The following SLC6A5 variants were observed in gnomAD, a reference collection of about 807,000 sequenced individuals.
The protein encoded by SLC6A5 is sodium- and chloride-dependent glycine transporter 2.
In SLC6A5, 58 loss-of-function variants were observed where a neutral mutation model predicts 90.5. The ratio of observed to expected loss-of-function variants is 0.64; its 90% CI spans 0.52 to 0.80. SLC6A5 has a LOEUF of 0.80. Ranked by LOEUF, SLC6A5 falls within the 30% of genes least tolerant of loss-of-function variation. The probability of loss-of-function intolerance (pLI) is 0.00; values close to 1 mark genes in which losing one functional copy is unlikely to be tolerated. For synonymous variants in SLC6A5, 427 were observed against 401.4 expected (o/e 1.06, Z -0.76); for missense variants, 1,015 against 1,017.6 (o/e 1.00, Z 0.03).
chr11:20,632,297 A>C (rs986302372), intron 10 of SLC6A5, among the ~76,000 whole-genome samples: 8 of 152,214 alleles, frequency 5.3e-5, no homozygotes, highest in African/African-American at 1.9e-4. Flanking sequence ...ACCAGTGGCC[A>C]ACCTGCTAGA....
Position 20,614,719 on chromosome 11 carries a change from G to A in SLC6A5, c.1026G>A (p.Lys342=), listed in dbSNP as rs368128242. ...VISDHPKIQI[K]NSTFCMTAYP... is the part of the protein sequence containing the mutation. ...GTGACCATCCCAAAATACAGATCAA[G>A]AACTCGACTTTCTGCATGACCGCTT... The change falls in exon 6 of 16, where the codon AAG becomes AAA. Residue 342 remains lysine (K), a synonymous_variant. Coordinates refer to ENST00000525748, the MANE Select transcript of SLC6A5 (RefSeq NM_004211.5). 25 of 1,613,794 alleles carry A rather than the reference G, an allele frequency of 1.5e-5. No individual in the cohort carries two copies. The highest frequency in any genetic ancestry group is 1.9e-5 in the Non-Finnish European group (23 of 1,179,826).
rs1443551 is a variant in SLC6A5, at chr11:20,607,618, G to T, written c.951G>T (p.Thr317=). The change falls in exon 5 of 16, where the codon ACG becomes ACT. Residue 317 remains threonine (T), a synonymous_variant. Coordinates refer to ENST00000525748, the MANE Select transcript of SLC6A5 (RefSeq NM_004211.5). ...PWGSCNNPWN[T]PECKDKTKLL... ...GCTCCTGCAACAACCCTTGGAATAC[G>T]CCAGAATGCAAAGATAAAACCAAAC... is the stretch of plus-strand genomic sequence containing the variant. 3.1e-6 allele frequency: 5 copies of T among 1,613,900 alleles called. No individual in the cohort carries two copies. Among genetic ancestry groups the T allele is most frequent in the South Asian group, 2.2e-5 (2 of 91,082 alleles).
intron 7 of SLC6A5, 42 bp from the exon 8 acceptor site, chr11:20,626,666 C>A: frequency 6.2e-7 from 1 of 1,610,498 alleles, no homozygotes; most frequent in Non-Finnish European, 8.5e-7. Context: ...GTGCACTCTG[C>A]AGGGCTGCTT....
Position 20,636,359 on chromosome 11 carries a change from C to CTCTCCGT in SLC6A5, c.1681_1687dup (p.Trp563SerfsTer17). The CTCTCCGT allele has an allele frequency of 1.2e-6, 2 of 1,614,050 alleles. No individual in the cohort carries two copies. Among genetic ancestry groups the CTCTCCGT allele is most frequent in the Non-Finnish European group, 1.7e-6 (2 of 1,179,916 alleles). On this transcript the variant is annotated frameshift_variant, in exon 11 of 16. Transcript: ENST00000525748. LOFTEE classifies it high-confidence loss of function. ...CGGAAGCCTTAACCAGGCTGCCTCT[C>CTCTCCGT]TCTCCGTTCTGGGCCATCATCTTTT...
At chr11:20,620,143 C>T (rs938371352) in intron 7 of SLC6A5, among the ~76,000 whole-genome samples, 1 of 152,288 alleles carries the variant, frequency 6.6e-6, no homozygotes, top group Admixed American at 6.5e-5. Context: ...TGGAGACAAG[C>T]TGACCTCAAC....
intron 11 of SLC6A5, 25 bp from the exon 12 acceptor site, chr11:20,637,147 T>C (rs754963970): frequency 1.4e-5 from 22 of 1,613,146 alleles, no homozygotes; most frequent in Non-Finnish European, 1.8e-5. Context: ...TTGACTCAGA[T>C]GTTCATTTCC....
At chr11:20,608,958 C>CTCTGTGTG (rs368771053) in intron 5 of SLC6A5, among the ~76,000 whole-genome samples, 1 of 110,860 alleles carries the variant, frequency 9.0e-6, no homozygotes, top group Non-Finnish European at 2.0e-5. Context: ...CTCTCTCTCT[C>CTCTGTGTG]TGTGTGTGTG....
intron 10 of SLC6A5, among the ~76,000 whole-genome samples, chr11:20,636,089 T>C (rs1178608658): frequency 6.6e-6 from 1 of 152,198 alleles, no homozygotes; most frequent in Non-Finnish European, 1.5e-5. Flanking sequence ...CTCCTGTGAG[T>C]TCTCCTAGCT....
chr11:20,600,372 GA>G (rs1852440463), intron 1 of SLC6A5, among the ~76,000 whole-genome samples: 1 of 149,328 alleles, frequency 6.7e-6, no homozygotes, highest in African/African-American at 2.5e-5. Context: ...AGAAGAAGAA[GA>G]AGAAGAAGAA....
intron 7 of SLC6A5, among the ~76,000 whole-genome samples, chr11:20,619,382 T>C (rs1049484351): frequency 4.6e-5 from 7 of 152,216 alleles, no homozygotes; most frequent in African/African-American, 1.7e-4. Flanking sequence ...GCTTTTCATG[T>C]CATGTAGTTC....
chr11:20,600,335 G>GGAAGAAGAAGAAGAAGAA (rs55891826), intron 1 of SLC6A5, among the ~76,000 whole-genome samples: 33 of 87,948 alleles, frequency 3.8e-4, no homozygotes, highest in South Asian at 1.5e-3. Flanking sequence ...AAGAAGAAGA[G>GGAAGAAGAAGAAGAAGAA]GAAGAAGAAG....
At chr11:20,616,757 T>C (rs946421470) in intron 6 of SLC6A5, among the ~76,000 whole-genome samples, 10 of 152,182 alleles carry the variant, frequency 6.6e-5, no homozygotes, top group Admixed American at 4.6e-4. Context: ...TGGCCATCAC[T>C]GTTATGAAAA....
chr11:20,650,655 C>CTTTTTTTT (rs55849528), intron 14 of SLC6A5, among the ~76,000 whole-genome samples: 4 of 79,844 alleles, frequency 5.0e-5, no homozygotes, highest in African/African-American at 1.5e-4. Context: ...GACGCCTGTT[C>CTTTTTTTT]TTTTTTTTTT....
chr11:20,621,001 C>T (rs1852878525), intron 7 of SLC6A5, among the ~76,000 whole-genome samples: 1 of 152,054 alleles, frequency 6.6e-6, no homozygotes, highest in African/African-American at 2.4e-5. Context: ...CAGGATTTCA[C>T]CGTGTTGGCC....
At chr11:20,632,473 C>G (rs1416089673) in intron 10 of SLC6A5, among the ~76,000 whole-genome samples, 1 of 152,112 alleles carries the variant, frequency 6.6e-6, no homozygotes, top group Non-Finnish European at 1.5e-5. Context: ...TGAAATTTCT[C>G]CTTTCCAATG....
intron 5 of SLC6A5, among the ~76,000 whole-genome samples, 154 bp from the exon 6 acceptor site, chr11:20,614,525 A>G (rs1852748918): frequency 6.6e-6 from 1 of 152,198 alleles, no homozygotes; most frequent in Admixed American, 6.5e-5. Flanking sequence ...TCTTTTCTTA[A>G]TATATCTGGC....
chr11:20,645,304 TGG>T (rs1207200719), intron 13 of SLC6A5, among the ~76,000 whole-genome samples: 1 of 150,412 alleles, frequency 6.6e-6, no homozygotes, highest in Non-Finnish European at 1.5e-5. Flanking sequence ...GAGGTGGGGG[TGG>T]TGGGGGACAC....
chr11:20,600,409 A>AAGG lies in SLC6A5; in HGVS notation c.4-718_4-717insGAG, dbSNP rs1852446215. Among the ~76,000 whole-genome samples, 4 of 147,712 alleles carry AAGG rather than the reference A, an allele frequency of 2.7e-5. No individual in the cohort carries two copies. In the East Asian group the frequency reaches 5.9e-4, roughly 22 times the overall value. ...GAAGAAGAAGAAGAAGAAGAAGAAGAAGACCTAAACAAAAGAACAAAAAGC... is the reference window on the plus strand; with the variant it reads ...GAAGAAGAAGAAGAAGAAGAAGAAGAAGGAGACCTAAACAAAAGAACAAAAAGC... On this transcript the variant is annotated intron_variant, in intron 1 of 15. Transcript: ENST00000525748.
At chr11:20,605,938 G>C (rs983316186) in intron 3 of SLC6A5, among the ~76,000 whole-genome samples, 1 of 152,218 alleles carries the variant, frequency 6.6e-6, no homozygotes, top group Non-Finnish European at 1.5e-5. Context: ...GGCTTGGAGA[G>C]CCCCGGGCAG....
Sources: gnomAD v4.1 joint callset for allele counts (sites outside exome capture counted in the v4.1 genomes callset) on GRCh38, gnomAD v4.1.1 for gene constraint, MANE v1.5 for transcripts, NCBI Gene and HGNC (gene_info 2026-07-23, HGNC 2026-07-21) for gene names.